LRRC37A2: variants seen among roughly 807,000 people sequenced by gnomAD.
The protein encoded by LRRC37A2 is leucine rich repeat containing 37 member A2.
Under a neutral mutation model 68.8 loss-of-function variants are expected in LRRC37A2, and 9 were observed. The ratio of observed to expected loss-of-function variants is 0.13; its 90% CI spans 0.08 to 0.23. The LOEUF is 0.23. LRRC37A2 is among the 10% of genes least tolerant of loss of function. LRRC37A2 has a pLI of 1.00. For missense variants in LRRC37A2, 168 were observed against 950.4 expected (o/e 0.18, Z 10.82); for synonymous variants, 63 against 367.6 (o/e 0.17, Z 9.48).
the LRRC37A2 span, among the ~76,000 whole-genome samples, chr17:46,569,003 C>T: frequency 3.5e-5 from 4 of 114,896 alleles, no homozygotes; most frequent in Non-Finnish European, 5.1e-5. Context: ...GGTGCAATGG[C>T]GCAATCTCGG....
chr17:46,836,944 C>CT, the LRRC37A2 span, among the ~76,000 whole-genome samples: 1 of 152,030 alleles, frequency 6.6e-6, no homozygotes, highest in African/African-American at 2.4e-5. Context: ...ATTTCTTTTT[C>CT]TTTTTTTCTT....
the LRRC37A2 span, among the ~76,000 whole-genome samples, chr17:46,905,801 TGTGTGTGTGTGTGC>T: frequency 6.7e-5 from 7 of 104,508 alleles, no homozygotes; most frequent in East Asian, 2.3e-4. Flanking sequence ...TGTGTGTGTG[TGTGTGTGTGTGTGC>T]GTTTGTTGGG....
the LRRC37A2 span, among the ~76,000 whole-genome samples, chr17:47,000,015 A>G: frequency 6.1e-4 from 11 of 18,014 alleles, no homozygotes; most frequent in African/African-American, 8.9e-4. Context: ...AAATAAAATA[A>G]AATAAAATAA....
At chr17:46,712,395 C>G in the LRRC37A2 span, among the ~76,000 whole-genome samples, 1 of 152,070 alleles carries the variant, frequency 6.6e-6, no homozygotes, top group Non-Finnish European at 1.5e-5. Flanking sequence ...GAAGCTGAAG[C>G]CTAGAAATAT....
the LRRC37A2 span, among the ~76,000 whole-genome samples, chr17:46,980,045 C>T: frequency 6.6e-6 from 1 of 152,142 alleles, no homozygotes. Flanking sequence ...TGGTCCTCTA[C>T]AGCTATGGCT....
chr17:46,978,668 C>T, the LRRC37A2 span: 1 of 1,608,426 alleles, frequency 6.2e-7, no homozygotes, highest in Non-Finnish European at 8.5e-7. Context: ...AGGATGGCTG[C>T]GCCCACGTCC....
chr17:46,918,457 T>C, the LRRC37A2 span, among the ~76,000 whole-genome samples: 2 of 152,194 alleles, frequency 1.3e-5, no homozygotes, highest in Admixed American at 1.3e-4. Flanking sequence ...AAAACCTAGA[T>C]ACAGTCCTGT....
the LRRC37A2 span, among the ~76,000 whole-genome samples, chr17:46,988,216 G>T: frequency 2.6e-5 from 4 of 152,184 alleles, no homozygotes; most frequent in African/African-American, 9.6e-5. Flanking sequence ...TTAAGTGCAA[G>T]AAGCCAGACT....
chr17:46,933,697 G>A, the LRRC37A2 span: 1 of 150,220 alleles, frequency 6.7e-6, no homozygotes, highest in East Asian at 1.9e-4. Flanking sequence ...GTGGAGCAGG[G>A]CACAATGACA....
At chr17:46,808,598 T>G in the LRRC37A2 span, among the ~76,000 whole-genome samples, 12 of 152,176 alleles carry the variant, frequency 7.9e-5, no homozygotes, top group African/African-American at 2.9e-4. Context: ...AGAATTAGAT[T>G]CAGATAAATC....
the LRRC37A2 span, among the ~76,000 whole-genome samples, chr17:46,844,732 G>C: frequency 2.0e-5 from 3 of 152,156 alleles, no homozygotes; most frequent in Non-Finnish European, 4.4e-5. Context: ...AAATCTATAG[G>C]ATGTTATTTA....
the LRRC37A2 span, chr17:46,876,563 C>T: frequency 2.0e-5 from 32 of 1,613,660 alleles, no homozygotes; most frequent in East Asian, 2.7e-4. Context: ...GGTGTGCTCC[C>T]GGGAGGCCAG....
chr17:46,866,467 A>AGT, the LRRC37A2 span, among the ~76,000 whole-genome samples: 1 of 151,370 alleles, frequency 6.6e-6, no homozygotes, highest in Non-Finnish European at 1.5e-5. Flanking sequence ...AGGGAGTGTG[A>AGT]GTGTGTGTGT....
the LRRC37A2 span, among the ~76,000 whole-genome samples, chr17:46,858,978 C>CTTTT: frequency 6.3e-4 from 84 of 134,232 alleles, 2 homozygotes; most frequent in African/African-American, 2.2e-3. Context: ...ATAATTTTAG[C>CTTTT]TTTTTTTTTT....
chr17:46,456,264 T>C, the LRRC37A2 span, among the ~76,000 whole-genome samples: 1 of 106,590 alleles, frequency 9.4e-6, no homozygotes, highest in African/African-American at 3.3e-5. Context: ...ATATATGATA[T>C]ATAATAATTA....
the LRRC37A2 span, chr17:46,935,733 G>C: frequency 4.6e-5 from 45 of 987,886 alleles, no homozygotes; most frequent in Non-Finnish European, 5.1e-5. Context: ...CCTAGCCTTA[G>C]GTATTCCTAG....
chr17:46,837,720 A>T, the LRRC37A2 span, among the ~76,000 whole-genome samples: 227 of 152,206 alleles, frequency 1.5e-3, no homozygotes, highest in African/African-American at 5.3e-3. Flanking sequence ...GTTTGGAGGG[A>T]TGGCTCATGG....
the LRRC37A2 span, among the ~76,000 whole-genome samples, chr17:47,026,906 T>G: frequency 5.3e-5 from 2 of 37,674 alleles, no homozygotes; most frequent in Admixed American, 5.7e-4. Flanking sequence ...AATGTGAGAC[T>G]TTGTTTGTTT....
chr17:46,991,686 T>C, the LRRC37A2 span, among the ~76,000 whole-genome samples: 1 of 152,196 alleles, frequency 6.6e-6, no homozygotes, highest in African/African-American at 2.4e-5. Context: ...AAAATGATCA[T>C]TTCATCCTAG....
Sources: allele counts gnomAD v4.1 joint callset (sites outside exome capture counted in the v4.1 genomes callset), GRCh38; gene constraint gnomAD v4.1.1; transcripts MANE v1.5; gene names NCBI Gene and HGNC (gene_info 2026-07-23, HGNC 2026-07-21).